The following KL variants were observed in gnomAD, a reference collection of about 807,000 sequenced individuals.
KL encodes alpha-klotho.
A neutral mutation model predicts 84.2 loss-of-function variants in KL; 62 were observed. That is an observed-to-expected ratio of 0.74 (90% CI 0.60 to 0.91). The LOEUF (loss-of-function observed/expected upper bound fraction) is 0.91, where lower values mean the gene tolerates loss of function less well. Among genes scored for constraint, KL ranks in the 40% least tolerant of loss-of-function variants. KL has a pLI of 0.00. For synonymous variants in KL, 528 were observed against 528.0 expected, an observed-to-expected ratio of 1.00 and a Z score of 0.00; for missense variants, 1,261 against 1,305.7, an observed-to-expected ratio of 0.97 and a Z score of 0.53.
At position 33,053,794 on chromosome 13, in the gene KL, A is replaced by G. The variant is rs1048614163; in HGVS notation, c.847A>G (p.Asn283Asp). Residue 283 changes from asparagine to aspartate, a missense_variant, in exon 2 of 5, where the codon AAT (asparagine) becomes GAT (aspartate). Coordinates refer to ENST00000380099, the MANE Select transcript of KL (RefSeq NM_004795.4). ...TCATGCCAAAGTCTGGCATCTCTAC[A>G]ATACTTCTTTCCGTCCCACTCAGGG... ...LAHAKVWHLYNTSFRPTQGGQ... is the reference protein window; with the variant it reads ...LAHAKVWHLYDTSFRPTQGGQ... 7.4e-6 allele frequency: 12 copies of G among 1,614,112 alleles called. No homozygotes were observed. The highest frequency in any genetic ancestry group is 1.0e-5 in the Non-Finnish European group (12 of 1,180,016).
chr13:33,043,594 G>C (rs942567295), intron 1 of KL, among the ~76,000 whole-genome samples: 1 of 152,108 alleles, frequency 6.6e-6, no homozygotes, highest in East Asian at 1.9e-4. Context: ...GCATTTTCCT[G>C]ATAGTGTTGA....
At chr13:33,038,996 C>A (rs1004441848) in intron 1 of KL, among the ~76,000 whole-genome samples, 1 of 152,062 alleles carries the variant, frequency 6.6e-6, no homozygotes, top group Non-Finnish European at 1.5e-5. Context: ...ATAATAAATG[C>A]CCACTGTCCT....
At position 33,061,847 on chromosome 13, in the gene KL, A is replaced by G. The variant is rs1215087333; in HGVS notation, c.2701+67A>G. Reference sequence around the variant, plus strand: ...ACCAGAGGGCATGACACTTGATTAAATCTCCAACATCAACACACACTGCCA... The same window carrying G: ...ACCAGAGGGCATGACACTTGATTAAGTCTCCAACATCAACACACACTGCCA... On this transcript the variant is annotated intron_variant, in intron 4 of 4. Coordinates refer to ENST00000380099, the MANE Select transcript of KL (RefSeq NM_004795.4). The G allele has an allele frequency of 6.0e-6, 9 of 1,509,628 alleles. No homozygotes were observed. In the Admixed American group the frequency reaches 1.3e-4, roughly 22 times the overall value. The allele number at this position is 1,509,628 out of a possible 1,614,324, so 93.5% of individuals were successfully genotyped here.
intron 1 of KL, among the ~76,000 whole-genome samples, chr13:33,025,820 TC>T (rs60608559): frequency 0.14 from 21,841 of 151,680 alleles, 1,654 homozygotes; most frequent in South Asian, 0.17. Flanking sequence ...TCAGGTTTTT[TC>T]CCCCCAGCTT....
Position 33,053,798 on chromosome 13 carries a change from C to T in KL, c.851C>T (p.Thr284Ile), listed in dbSNP as rs1362256642. 1 of 1,614,146 alleles carries T rather than the reference C, an allele frequency of 6.2e-7. No homozygotes were observed. Among genetic ancestry groups the T allele is most frequent in the East Asian group, 2.2e-5 (1 of 44,880 alleles). Residue 284 changes from threonine to isoleucine, a missense_variant, in exon 2 of 5, where the codon ACT becomes ATT. Transcript: ENST00000380099. Reference sequence around the variant, plus strand: ...GCCAAAGTCTGGCATCTCTACAATACTTCTTTCCGTCCCACTCAGGGAGGT... The same window carrying T: ...GCCAAAGTCTGGCATCTCTACAATATTTCTTTCCGTCCCACTCAGGGAGGT... Reference protein sequence around the residue: ...AHAKVWHLYNTSFRPTQGGQV... With the variant: ...AHAKVWHLYNISFRPTQGGQV...
chr13:33,054,856 T>C (rs560231783), intron 2 of KL, among the ~76,000 whole-genome samples, 191 bp from the exon 3 acceptor site: 183 of 152,348 alleles, frequency 1.2e-3, no homozygotes, highest in Non-Finnish European at 2.2e-3. Flanking sequence ...TAGGCCAATT[T>C]TGAGGGCATT....
rs564481 is a variant in KL, at chr13:33,060,846, C to A, written c.1767C>A (p.His589Gln). 9.9e-6 allele frequency: 16 copies of A among 1,614,064 alleles called. No individual in the cohort carries two copies. The highest frequency in any genetic ancestry group is 2.7e-5 in the African/African-American group (2 of 75,026). Residue 589 changes from histidine (H) to glutamine (Q), a missense_variant, in exon 4 of 5, where the codon CAC becomes CAA. Transcript: ENST00000380099. ...QPQIALLQEM[H>Q]VTHFRFSLDW... The stretch of plus-strand genomic sequence containing the variant: ...AGATCGCTTTACTCCAGGAAATGCA[C>A]GTTACACATTTTCGCTTCTCCCTGG...
At chr13:33,038,242 C>G (rs2138210402) in intron 1 of KL, among the ~76,000 whole-genome samples, 1 of 152,310 alleles carries the variant, frequency 6.6e-6, no homozygotes, top group East Asian at 1.9e-4. Context: ...ATCTTATTTT[C>G]TAAAAGCCAC....
rs764925530 is a variant in KL at position 33,016,809 on chromosome 13, C to T, written c.369C>T (p.Asp123=). Residue 123 remains aspartate (D), a synonymous_variant, in exon 1 of 5, where the codon GAC becomes GAT. Coordinates refer to ENST00000380099, the MANE Select transcript of KL (RefSeq NM_004795.4). ...CGCCGCTGCAGCCCGCCACCGGGGA[C>T]GTAGCCAGCGACAGCTACAACAACG... The part of the protein sequence containing the change: ...APSPLQPATG[D]VASDSYNNVF... 5.0e-6 allele frequency: 8 copies of T among 1,612,460 alleles called. No individual in the cohort carries two copies. The highest frequency in any genetic ancestry group is 1.7e-5 in the Admixed American group (1 of 59,976).
Position 33,017,030 on chromosome 13 carries a change from C to T in KL, c.590C>T (p.Pro197Leu). ...PVVTLYHWDL[P>L]QRLQDAYGGW... is the part of the protein sequence containing the mutation. ...GTCACCCTGTACCACTGGGACCTGC[C>T]CCAGCGCCTGCAGGACGCCTACGGC... The change falls in exon 1 of 5, where the codon CCC (proline) becomes CTC (leucine). Residue 197 changes from proline to leucine, a missense_variant. Physicochemically the swap from Pro to Leu is moderately conservative, Grantham distance 98. Transcript: ENST00000380099. The T allele has an allele frequency of 1.9e-6, 3 of 1,599,048 alleles. No individual in the cohort carries two copies. Among genetic ancestry groups the T allele is most frequent in the Non-Finnish European group, 1.7e-6 (2 of 1,176,556 alleles).
Position 33,065,046 on chromosome 13 carries a change from CATT to C in KL, c.*863_*865del, listed in dbSNP as rs1375825367. 2 of 228,758 alleles carry C rather than the reference CATT, an allele frequency of 8.7e-6. No homozygotes were observed. Among genetic ancestry groups the C allele is most frequent in the South Asian group, 1.8e-4 (1 of 5,492 alleles). 14.2% of individuals were successfully genotyped at this position (228,758 alleles called of 1,614,324 possible). On this transcript the variant is annotated 3_prime_UTR_variant, in exon 5 of 5. Coordinates refer to ENST00000380099, the MANE Select transcript of KL (RefSeq NM_004795.4). ...AGGAAAAAGTGCTTATTATGTGCAA[CATT>C]ATGATTAATCTGATTATACACCATT...
intron 1 of KL, among the ~76,000 whole-genome samples, chr13:33,029,903 G>A (rs964874463): frequency 3.3e-5 from 5 of 151,846 alleles, no homozygotes; most frequent in African/African-American, 1.2e-4. Flanking sequence ...AAAGTGCTGG[G>A]ATTACAGGCG....
chr13:33,046,386 G>C (rs765979748), intron 1 of KL, among the ~76,000 whole-genome samples: 1 of 152,028 alleles, frequency 6.6e-6, no homozygotes, highest in Non-Finnish European at 1.5e-5. Context: ...CGGGAATTTG[G>C]CCAGGTCATC....
intron 2 of KL, among the ~76,000 whole-genome samples, chr13:33,054,575 A>T (rs539334001): frequency 2.6e-5 from 4 of 152,242 alleles, no homozygotes; most frequent in South Asian, 4.1e-4. Flanking sequence ...AAATCCCAGG[A>T]TATCTAGCTC....
At chr13:33,036,893 A>G (rs781283784) in intron 1 of KL, among the ~76,000 whole-genome samples, 1 of 152,198 alleles carries the variant, frequency 6.6e-6, no homozygotes, top group Non-Finnish European at 1.5e-5. Context: ...CTATTTCTCA[A>G]AAGTAGCATA....
At chr13:33,053,002 G>A (rs1871810766) in intron 1 of KL, among the ~76,000 whole-genome samples, 1 of 152,202 alleles carries the variant, frequency 6.6e-6, no homozygotes, top group Admixed American at 6.5e-5. Context: ...GAATTTATGG[G>A]AGTATAAAGT....
In KL at chr13:33,054,387, A is replaced by G. The variant is rs577601574; in HGVS notation, c.1330+110A>G. 6 of 1,190,622 alleles carry G rather than the reference A, an allele frequency of 5.0e-6. No homozygotes were observed. In the South Asian group the frequency reaches 6.4e-5, roughly 13 times the overall value. The allele number at this position is 1,190,622 out of a possible 1,614,324, so 73.8% of individuals were successfully genotyped here. On this transcript the variant is annotated intron_variant, in intron 2 of 4. Coordinates refer to ENST00000380099, the MANE Select transcript of KL (RefSeq NM_004795.4). Reference sequence around the variant, plus strand: ...TTTATATTTTTAAATCCTAATGGAGACATTCATTTTGGCAATAGTAGAATG... The same window carrying G: ...TTTATATTTTTAAATCCTAATGGAGGCATTCATTTTGGCAATAGTAGAATG...
intron 1 of KL, among the ~76,000 whole-genome samples, chr13:33,040,689 G>C (rs74045654): frequency 6.6e-6 from 1 of 151,938 alleles, no homozygotes; most frequent in Non-Finnish European, 1.5e-5. Flanking sequence ...AACAAAAAGC[G>C]GTCCATTCAG....
In KL at chr13:33,054,240, G is replaced by A. The variant is rs369430812; in HGVS notation, c.1293G>A (p.Met431Ile). 46 of 1,613,480 alleles carry A rather than the reference G, an allele frequency of 2.9e-5. No individual in the cohort carries two copies. Among genetic ancestry groups the A allele is most frequent in the Non-Finnish European group, 3.6e-5 (42 of 1,179,916 alleles). The change falls in exon 2 of 5, where the codon ATG becomes ATA. Residue 431 changes from methionine (M) to isoleucine (I), a missense_variant. Transcript: ENST00000380099. Reference protein sequence around the residue: ...GTTKRDDAKYMYYLKKFIMET... With the variant: ...GTTKRDDAKYIYYLKKFIMET... ...CCAAGAGAGATGATGCCAAATATAT[G>A]TATTACCTCAAAAAGTTCATCATGG... is the stretch of plus-strand genomic sequence containing the variant.
Sources: gnomAD v4.1 joint callset for allele counts (sites outside exome capture counted in the v4.1 genomes callset) on GRCh38, gnomAD v4.1.1 for gene constraint, MANE v1.5 for transcripts, NCBI Gene and HGNC (gene_info 2026-07-23, HGNC 2026-07-21) for gene names.